Variants in RBFOX1 observed in about 807,000 individuals in gnomAD.
RBFOX1 encodes RNA binding fox-1 homolog 1, also known as RNA binding protein fox-1 homolog 1.
RBFOX1 carries 8 observed loss-of-function variants against 57.7 expected under a neutral mutation model. That is an observed-to-expected ratio of 0.14 (90% CI 0.08 to 0.25). The LOEUF is 0.25. RBFOX1 is among the 10% of genes least tolerant of loss of function. The pLI is 1.00. For missense variants in RBFOX1, 611 were observed against 548.5 expected (o/e 1.11, Z -1.14); for synonymous variants, 326 against 222.4 (o/e 1.47, Z -4.15).
chr16:6,784,346 C>T (rs944082242), intron 3 of RBFOX1, among the ~76,000 whole-genome samples: 4 of 152,032 alleles, frequency 2.6e-5, no homozygotes, highest in Admixed American at 1.3e-4. Context: ...TTCAAATAGC[C>T]TCTCTTTGAG....
In RBFOX1 at chr16:6,867,508, C is replaced by T. The variant is rs779341770; in HGVS notation, c.-15-184549C>T. Among the ~76,000 whole-genome samples the T allele has an allele frequency of 4.6e-5, 7 of 152,192 alleles. No homozygotes were observed. In the East Asian group the frequency reaches 1.4e-3, roughly 29 times the overall value. ...CCGAGACAGGCGGATCACTTGAGGT[C>T]AGGAGTTCGAGATCAGCCTGGCCAA... On this transcript the variant is annotated intron_variant, in intron 3 of 15. Transcript: ENST00000550418.
At chr16:7,438,708 G>A (rs944677615) in intron 4 of RBFOX1, among the ~76,000 whole-genome samples, 2 of 152,168 alleles carry the variant, frequency 1.3e-5, no homozygotes, top group Admixed American at 6.5e-5. Flanking sequence ...TTCAGAGAGG[G>A]TTTCCATTTC....
chr16:5,858,138 C>G (rs865899238), intron 3 of RBFOX1, among the ~76,000 whole-genome samples: 1 of 152,038 alleles, frequency 6.6e-6, no homozygotes, highest in Non-Finnish European at 1.5e-5. Context: ...CTCTTAGGAG[C>G]TTTTCCTAAC....
At chr16:7,591,396 C>T (rs908745331) in intron 7 of RBFOX1, among the ~76,000 whole-genome samples, 1 of 151,936 alleles carries the variant, frequency 6.6e-6, no homozygotes, top group Non-Finnish European at 1.5e-5. Flanking sequence ...TTATTTAAGT[C>T]TTTAACATAT....
chr16:6,874,980 T>C (rs2061574149), intron 3 of RBFOX1, among the ~76,000 whole-genome samples: 2 of 152,196 alleles, frequency 1.3e-5, no homozygotes, highest in Admixed American at 6.5e-5. Flanking sequence ...ATAACCCATG[T>C]TACTAATCTT....
At chr16:5,550,279 T>C (rs1303436782) in intron 2 of RBFOX1, among the ~76,000 whole-genome samples, 12 of 152,202 alleles carry the variant, frequency 7.9e-5, no homozygotes, top group Admixed American at 7.9e-4. Flanking sequence ...GCACCTGCCT[T>C]TGTTTACCTA....
chr16:7,105,573 A>G (rs999982338), intron 4 of RBFOX1, among the ~76,000 whole-genome samples: 1 of 152,022 alleles, frequency 6.6e-6, no homozygotes, highest in African/African-American at 2.4e-5. Flanking sequence ...GTGAGAACAT[A>G]CAACGTTTGG....
In RBFOX1 at chr16:6,939,506, C is replaced by CTTTTCTT. The variant is rs1555651253; in HGVS notation, c.-15-112547_-15-112546insCTTTTTT. ...TTAAATAGTTTCAGAATTTTTCTTT[C>CTTTTCTT]TTTTTTTTTTTTTCTTTTTTTTGAG... On this transcript the variant is annotated intron_variant, in intron 3 of 15. Coordinates refer to ENST00000550418, the MANE Select transcript of RBFOX1 (RefSeq NM_018723.4). Among the ~76,000 whole-genome samples, 315 of 112,896 alleles carry CTTTTCTT rather than the reference C, an allele frequency of 2.8e-3. 2 individuals are homozygous for CTTTTCTT. The highest frequency in any genetic ancestry group is 9.2e-3 in the African/African-American group (293 of 31,902). 74.1% of individuals were successfully genotyped at this position (112,896 alleles called of 152,430 possible). A position where few individuals can be genotyped will look rare whatever the true frequency, so the allele number is the denominator to read the frequency against.
At chr16:6,381,824 A>T (rs577209811) in intron 2 of RBFOX1, among the ~76,000 whole-genome samples, 1 of 152,198 alleles carries the variant, frequency 6.6e-6, no homozygotes, top group African/African-American at 2.4e-5. Context: ...TCGCATTATC[A>T]TGCATTCACC....
Position 6,448,816 on chromosome 16 carries a change from G to A in RBFOX1, c.-64+131759G>A, listed in dbSNP as rs534242876. ...TTATCCTATTAAACATTTTCCAAAT[G>A]TAAGGTACATATGTAGCCACTATTT... On this transcript the variant is annotated intron_variant, in intron 2 of 15. Transcript: ENST00000550418. 2.0e-5 allele frequency among the ~76,000 whole-genome samples: 3 copies of A among 152,248 alleles called. No individual in the cohort carries two copies. In the South Asian group the frequency reaches 6.2e-4, roughly 32 times the overall value.
intron 5 of RBFOX1, among the ~76,000 whole-genome samples, chr16:7,559,338 T>G (rs570301216): frequency 2.5e-4 from 38 of 152,312 alleles, no homozygotes; most frequent in African/African-American, 8.4e-4. Flanking sequence ...TCTCACCTAG[T>G]CTCTCTTTCT....
At chr16:5,668,682 A>G (rs2049924827) in intron 3 of RBFOX1, among the ~76,000 whole-genome samples, 1 of 152,156 alleles carries the variant, frequency 6.6e-6, no homozygotes, top group Non-Finnish European at 1.5e-5. Flanking sequence ...TTCCCCTATC[A>G]TCAAGATGTC....
At chr16:5,309,935 C>T (rs150010378) in intron 1 of RBFOX1, among the ~76,000 whole-genome samples, 1 of 152,302 alleles carries the variant, frequency 6.6e-6, no homozygotes, top group African/African-American at 2.4e-5. Context: ...GCTTCTTTTT[C>T]TGGTCCTTTG....
chr16:5,611,719 T>TATCCATCCATCCATGC (rs2047802380), intron 3 of RBFOX1, among the ~76,000 whole-genome samples: 4 of 114,584 alleles, frequency 3.5e-5, no homozygotes, highest in African/African-American at 1.5e-4. Flanking sequence ...TCCATCCATC[T>TATCCATCCATCCATGC]ATCCATCCAT....
Position 6,983,020 on chromosome 16 carries a change from A to G in RBFOX1, c.-15-69037A>G, listed in dbSNP as rs74010420. ...AAAAAAAAAAAAAAAAAAAAAAAGG[A>G]AAGGTGTCGAACTGAGGCTCGAGCA... On this transcript the variant is annotated intron_variant, in intron 3 of 15. Coordinates refer to ENST00000550418, the MANE Select transcript of RBFOX1 (RefSeq NM_018723.4). 9.1e-3 allele frequency among the ~76,000 whole-genome samples: 1,169 copies of G among 128,790 alleles called. 17 individuals are homozygous for G. Among genetic ancestry groups the G allele is most frequent in the African/African-American group, 0.031 (1,115 of 35,532 alleles). 84.5% of individuals were successfully genotyped at this position (128,790 alleles called of 152,430 possible). A position where few individuals can be genotyped will look rare whatever the true frequency, so the allele number is the denominator to read the frequency against.
chr16:5,995,769 A>G (rs186838336), intron 4 of RBFOX1, among the ~76,000 whole-genome samples: 19 of 152,314 alleles, frequency 1.2e-4, no homozygotes, highest in Admixed American at 1.2e-3. Flanking sequence ...TACCATAAAT[A>G]GGGTAGGGAG....
intron 1 of RBFOX1, among the ~76,000 whole-genome samples, chr16:6,291,372 A>C (rs1489780045): frequency 6.6e-6 from 1 of 152,174 alleles, no homozygotes; most frequent in African/African-American, 2.4e-5. Context: ...TGCTGGGGTT[A>C]GATGATATGA....
rs994936872 is a variant in RBFOX1 at position 7,712,452 on chromosome 16, A to G, written c.*1707A>G. The G allele has an allele frequency of 6.5e-6, 1 of 152,674 alleles. No homozygotes were observed. Among genetic ancestry groups the G allele is most frequent in the African/African-American group, 2.4e-5 (1 of 41,470 alleles). 9.5% of individuals were successfully genotyped at this position (152,674 alleles called of 1,614,324 possible). ...CTTGCCATCCTATGTGCATGCCGTA[A>G]GATCAGTTGGATATTAAACCATCAA... On this transcript the variant is annotated 3_prime_UTR_variant, in exon 16 of 16. Coordinates refer to ENST00000550418, the MANE Select transcript of RBFOX1 (RefSeq NM_018723.4).
At chr16:6,639,602 C>T (rs1360341721) in intron 2 of RBFOX1, among the ~76,000 whole-genome samples, 4 of 152,170 alleles carry the variant, frequency 2.6e-5, no homozygotes, top group African/African-American at 7.2e-5. Context: ...GTGGGCCGGG[C>T]ACGGTGGCTC....
Sources: gnomAD v4.1 joint callset for allele counts (sites outside exome capture counted in the v4.1 genomes callset) on GRCh38, gnomAD v4.1.1 for gene constraint, MANE v1.5 for transcripts, NCBI Gene and HGNC (gene_info 2026-07-23, HGNC 2026-07-21) for gene names.